The following PCDH15 variants were observed in gnomAD, a reference collection of about 807,000 sequenced individuals.
PCDH15 encodes the protein protocadherin related 15, also known as protocadherin-15.
Under a neutral mutation model 178.5 loss-of-function variants are expected in PCDH15, and 129 were observed. The ratio of observed to expected loss-of-function variants is 0.72; its 90% CI spans 0.63 to 0.84. The LOEUF (loss-of-function observed/expected upper bound fraction) is 0.84. Ranked by LOEUF, PCDH15 falls within the 40% of genes least tolerant of loss-of-function variation. The pLI, the probability that PCDH15 is intolerant of heterozygous loss-of-function variation, is 0.00. For synonymous variants in PCDH15, 800 were observed against 732.0 expected, an observed-to-expected ratio of 1.09 and a Z score of -1.50; for missense variants, 2,230 against 2,099.9, an observed-to-expected ratio of 1.06 and a Z score of -1.21.
intron 18 of PCDH15, among the ~76,000 whole-genome samples, chr10:54,064,239 C>T (rs926094018): frequency 6.6e-6 from 1 of 152,216 alleles, no homozygotes; most frequent in African/African-American, 2.4e-5. Flanking sequence ...TCCCAGGAGA[C>T]ACGAAGAGGA....
At chr10:53,969,141 AAC>A (rs1366193011) in intron 21 of PCDH15, among the ~76,000 whole-genome samples, 2 of 152,168 alleles carry the variant, frequency 1.3e-5, no homozygotes, top group African/African-American at 4.8e-5. Flanking sequence ...AACTAGAATA[AAC>A]AGTGTAGAGA....
chr10:55,444,140 G>A (rs1471956420), intron 2 of PCDH15, among the ~76,000 whole-genome samples: 2 of 151,756 alleles, frequency 1.3e-5, no homozygotes, highest in African/African-American at 4.8e-5. Context: ...ATCGGGGGGT[G>A]GGGGGTAAGG....
At chr10:55,039,537 T>G (rs1302532326) in intron 2 of PCDH15, among the ~76,000 whole-genome samples, 1 of 152,120 alleles carries the variant, frequency 6.6e-6, no homozygotes, top group Non-Finnish European at 1.5e-5. Context: ...GCTGATAATT[T>G]TAACATAATT....
At chr10:54,501,644 C>A in intron 3 of PCDH15, among the ~76,000 whole-genome samples, 1 of 152,096 alleles carries the variant, frequency 6.6e-6, no homozygotes, top group East Asian at 1.9e-4. Context: ...CCCTTCTACT[C>A]TTCTACTTCT....
Position 54,021,847 on chromosome 10 carries a change from T to G in PCDH15, c.2526+1045A>C, listed in dbSNP as rs115598210. 9.5e-3 allele frequency among the ~76,000 whole-genome samples: 1,443 copies of G among 151,954 alleles called. 25 individuals carry two copies. The highest frequency in any genetic ancestry group is 0.033 in the African/African-American group (1,371 of 41,476). On this transcript the variant is annotated intron_variant, in intron 19 of 37. Coordinates refer to ENST00000644397, the MANE Select transcript of PCDH15 (RefSeq NM_001384140.1). ...GTATCCCCAAAGTCTTTGCATCCCC[T>G]AGGACAGCATGAATTTAACAACACC...
intron 15 of PCDH15, among the ~76,000 whole-genome samples, chr10:54,126,467 C>T (rs140567095): frequency 3.4e-4 from 52 of 152,100 alleles, no homozygotes; most frequent in African/African-American, 8.9e-4. Flanking sequence ...ACCTTAAATA[C>T]GAAAGATAAG....
intron 3 of PCDH15, among the ~76,000 whole-genome samples, chr10:54,889,500 G>GATATAT (rs397688090): frequency 0.016 from 2,226 of 141,998 alleles, 25 homozygotes; most frequent in African/African-American, 0.025. Flanking sequence ...TAATTGTGAA[G>GATATAT]ATATATATAT....
intron 2 of PCDH15, among the ~76,000 whole-genome samples, chr10:54,609,005 C>A (rs923204188): frequency 6.6e-5 from 10 of 151,978 alleles, no homozygotes; most frequent in Admixed American, 6.6e-4. Context: ...ATGATAATCA[C>A]GCACTACAAG....
intron 8 of PCDH15, among the ~76,000 whole-genome samples, chr10:54,279,248 T>C (rs932863650): frequency 4.0e-5 from 6 of 151,572 alleles, no homozygotes; most frequent in African/African-American, 1.5e-4. Flanking sequence ...CAACTTCAAA[T>C]TCCATCATAT....
intron 8 of PCDH15, among the ~76,000 whole-genome samples, chr10:54,264,343 G>A (rs780671775): frequency 2.0e-5 from 3 of 152,044 alleles, no homozygotes; most frequent in Non-Finnish European, 4.4e-5. Flanking sequence ...CAAGAACTCT[G>A]GCAATACAAA....
chr10:54,741,371 T>C (rs1354073576), intron 1 of PCDH15, among the ~76,000 whole-genome samples: 1 of 151,824 alleles, frequency 6.6e-6, no homozygotes, highest in Non-Finnish European at 1.5e-5. Flanking sequence ...CTCAATGCCA[T>C]GAAATAAGTA....
chr10:54,020,457 AAAATAAAG>A, intron 19 of PCDH15, 41 bp from the exon 20 acceptor site: 5 of 1,576,778 alleles, frequency 3.2e-6, no homozygotes, highest in Non-Finnish European at 4.4e-6. Context: ...TGACGTTACC[AAAATAAAG>A]AAATGCAGGA....
intron 2 of PCDH15, among the ~76,000 whole-genome samples, chr10:54,630,968 C>T (rs979526824): frequency 1.3e-5 from 2 of 152,136 alleles, no homozygotes; most frequent in Non-Finnish European, 2.9e-5. Flanking sequence ...CTGTCTCACA[C>T]CAATCGGAAT....
chr10:53,945,284 TCTTA>T (rs2134119326), intron 23 of PCDH15, among the ~76,000 whole-genome samples: 1 of 152,296 alleles, frequency 6.6e-6, no homozygotes, highest in Non-Finnish European at 1.5e-5. Context: ...TTTTTTGTAT[TCTTA>T]TTTATTTTTT....
At chr10:54,471,577 G>T (rs2077921360) in intron 3 of PCDH15, among the ~76,000 whole-genome samples, 1 of 151,392 alleles carries the variant, frequency 6.6e-6, no homozygotes, top group African/African-American at 2.4e-5. Flanking sequence ...TTATACTATT[G>T]GCATATAGTA....
chr10:55,296,458 A>C (rs139471962), intron 1 of PCDH15, among the ~76,000 whole-genome samples: 27 of 152,270 alleles, frequency 1.8e-4, no homozygotes, highest in African/African-American at 6.5e-4. Flanking sequence ...ATGAACAGCA[A>C]AAGATGTTCC....
chr10:54,713,479 G>A (rs1245961193), intron 1 of PCDH15, among the ~76,000 whole-genome samples: 6 of 152,066 alleles, frequency 3.9e-5, no homozygotes, highest in Non-Finnish European at 8.8e-5. Flanking sequence ...ATGCTAATTA[G>A]TGTTGTTCTG....
At chr10:53,888,318 G>GTACATATATA (rs2081278782) in intron 26 of PCDH15, among the ~76,000 whole-genome samples, 1 of 91,820 alleles carries the variant, frequency 1.1e-5, no homozygotes, top group Non-Finnish European at 1.9e-5. Context: ...ATGTATATAT[G>GTACATATATA]TACGTATATA....
chr10:53,924,984 A>G (rs958532858), intron 25 of PCDH15, among the ~76,000 whole-genome samples: 7 of 152,100 alleles, frequency 4.6e-5, no homozygotes, highest in African/African-American at 1.7e-4. Flanking sequence ...GTCAAAACAG[A>G]CCAATCAGCT....
Sources: gnomAD v4.1 joint callset for allele counts (sites outside exome capture counted in the v4.1 genomes callset) on GRCh38, gnomAD v4.1.1 for gene constraint, MANE v1.5 for transcripts, NCBI Gene and HGNC (gene_info 2026-07-23, HGNC 2026-07-21) for gene names.